LUC7L2: variants seen among roughly 807,000 people sequenced by gnomAD.
LUC7L2 encodes LUC7 like 2, pre-mRNA splicing factor, also known as putative RNA-binding protein Luc7-like 2.
Under a neutral mutation model 52.8 loss-of-function variants are expected in LUC7L2, and 25 were observed. That is an observed-to-expected ratio of 0.47 (90% confidence interval 0.34 to 0.66). LUC7L2 has a LOEUF of 0.66. Among genes scored for constraint, LUC7L2 ranks in the 30% least tolerant of loss-of-function variants. The pLI is 0.01. For synonymous variants in LUC7L2, 144 were observed against 160.9 expected, an observed-to-expected ratio of 0.89 and a Z score of 0.80; for missense variants, 328 against 497.8, an observed-to-expected ratio of 0.66 and a Z score of 3.25.
chr7:139,367,884 G>T (rs1800246564), intron 1 of LUC7L2, among the ~76,000 whole-genome samples: 1 of 152,216 alleles, frequency 6.6e-6, no homozygotes. Flanking sequence ...GTGGGAATGT[G>T]AAGAGGTACC....
At chr7:139,416,217 C>G (rs376485600) in intron 8 of LUC7L2, 2 of 151,018 alleles carry the variant, frequency 1.3e-5, no homozygotes, top group South Asian at 4.2e-4. Context: ...CCTTTGTTTC[C>G]CCTTGTTTTC....
At chr7:139,390,919 A>G (rs764121827) in intron 2 of LUC7L2, among the ~76,000 whole-genome samples, 1 of 152,188 alleles carries the variant, frequency 6.6e-6, no homozygotes, top group Non-Finnish European at 1.5e-5. Context: ...CCAATTATAC[A>G]TCACCCTCCT....
intron 1 of LUC7L2, chr7:139,341,106 G>C: frequency 2.9e-6 from 1 of 341,558 alleles, no homozygotes; most frequent in Non-Finnish European, 5.1e-6. Context: ...CTTCAATGAC[G>C]CAGTGAAGAA....
intron 9 of LUC7L2, among the ~76,000 whole-genome samples, chr7:139,420,394 G>A (rs1795842432): frequency 1.3e-5 from 2 of 152,136 alleles, no homozygotes; most frequent in African/African-American, 4.8e-5. Flanking sequence ...GTAGGGACAG[G>A]GTTACGCCAT....
intron 2 of LUC7L2, among the ~76,000 whole-genome samples, chr7:139,390,676 C>T (rs1430544054): frequency 2.6e-5 from 4 of 152,058 alleles, no homozygotes; most frequent in African/African-American, 9.7e-5. Flanking sequence ...CTGCCTCAGC[C>T]TCCCAAGTAG....
At position 139,360,023 on chromosome 7, in the gene LUC7L2, C is replaced by T; in HGVS notation, c.-239C>T. The T allele has an allele frequency of 3.9e-6, 2 of 515,932 alleles. No individual in the cohort carries two copies. The highest frequency in any genetic ancestry group is 3.5e-5 in the East Asian group (1 of 28,546). 32.0% of individuals were successfully genotyped at this position (515,932 alleles called of 1,614,324 possible). A position where few individuals can be genotyped will look rare whatever the true frequency, so the allele number is the denominator to read the frequency against. On this transcript the variant is annotated 5_prime_UTR_variant, in exon 1 of 10. The change creates a new upstream start codon in the 5' untranslated region. Transcript: ENST00000354926. ...TGTCGCTTCTGTCCCAAGAACCGGACGGAGAGTGAGGGCACGAGGGTCGCT... is the reference window on the plus strand; with the variant it reads ...TGTCGCTTCTGTCCCAAGAACCGGATGGAGAGTGAGGGCACGAGGGTCGCT...
intron 1 of LUC7L2, chr7:139,341,372 G>A (rs1798947877): frequency 1.2e-6 from 2 of 1,603,608 alleles, no homozygotes; most frequent in Non-Finnish European, 1.7e-6. Flanking sequence ...CACGCTCGGA[G>A]AAGGACAGGA....
rs1272884584 is a variant in LUC7L2, at chr7:139,359,941, G to C, written c.-321G>C. 4 of 421,148 alleles carry C rather than the reference G, an allele frequency of 9.5e-6. No individual in the cohort carries two copies. The highest frequency in any genetic ancestry group is 1.7e-5 in the Non-Finnish European group (4 of 237,850). The allele number at this position is 421,148 out of a possible 1,614,324, so 26.1% of individuals were successfully genotyped here. On this transcript the variant is annotated 5_prime_UTR_variant, in exon 1 of 10. Transcript: ENST00000354926. ...CGGCGAGCGGCGTCAGAGCTTGAGG[G>C]GGGGTTGACGGCTTCTGGCGGGTGG...
intron 7 of LUC7L2, 144 bp from the exon 8 acceptor site, chr7:139,412,407 T>C (rs1005953060): frequency 6.3e-6 from 6 of 958,682 alleles, no homozygotes; most frequent in Non-Finnish European, 8.7e-6. Flanking sequence ...GTGGTGTCTT[T>C]TGGAAAATTT....
chr7:139,398,524 C>T, intron 2 of LUC7L2, 75 bp from the exon 3 acceptor site: 1 of 1,214,006 alleles, frequency 8.2e-7, no homozygotes, highest in Non-Finnish European at 1.1e-6. Context: ...TGTATTCTGA[C>T]AAGAACTGTG....
chr7:139,340,831 CTT>C (rs112287672), intron 1 of LUC7L2, among the ~76,000 whole-genome samples: 13 of 145,222 alleles, frequency 9.0e-5, no homozygotes, highest in Non-Finnish European at 1.2e-4. Flanking sequence ...GCCAACTTTA[CTT>C]TTTTTTTTTT....
At chr7:139,410,163 G>A (rs368534030) in intron 7 of LUC7L2, among the ~76,000 whole-genome samples, 3 of 151,914 alleles carry the variant, frequency 2.0e-5, no homozygotes, top group Middle Eastern at 3.4e-3. Flanking sequence ...AGCTGAGATC[G>A]GGCCACTGCA....
chr7:139,359,832 T>TA, upstream of LUC7L2: 1 of 406,624 alleles, frequency 2.5e-6, no homozygotes, highest in Non-Finnish European at 4.3e-6. Flanking sequence ...GGCGGAGTGA[T>TA]ACAGCTGGAC....
At chr7:139,371,543 A>C in intron 1 of LUC7L2, 3 of 647,270 alleles carry the variant, frequency 4.6e-6, no homozygotes, top group Non-Finnish European at 7.7e-6. Context: ...TATGGGAGGG[A>C]GAGGGTGGGT....
chr7:139,360,213 G>A lies in LUC7L2; in HGVS notation c.-49G>A, dbSNP rs1799790692. ...TTCCCCTTATCCCCCAGCCCAAAAG[G>A]GCCCGGTCTGCGCCCCACCCCCGCC... On this transcript the variant is annotated 5_prime_UTR_variant, in exon 1 of 10. Transcript: ENST00000354926. 6.8e-7 allele frequency: 1 copy of A among 1,472,528 alleles called. No homozygotes were observed. The highest frequency in any genetic ancestry group is 9.2e-7 in the Non-Finnish European group (1 of 1,082,378). 91.2% of individuals were successfully genotyped at this position (1,472,528 alleles called of 1,614,324 possible).
chr7:139,411,174 G>C (rs1795344855), intron 7 of LUC7L2, among the ~76,000 whole-genome samples: 1 of 152,114 alleles, frequency 6.6e-6, no homozygotes, highest in Non-Finnish European at 1.5e-5. Context: ...TGATGAAAAA[G>C]TATATCACAT....
At chr7:139,346,858 G>C (rs1311872533) in intron 1 of LUC7L2, among the ~76,000 whole-genome samples, 1 of 152,190 alleles carries the variant, frequency 6.6e-6, no homozygotes, top group Non-Finnish European at 1.5e-5. Context: ...AACCAAGACA[G>C]AAACTTGGGC....
intron 1 of LUC7L2, among the ~76,000 whole-genome samples, chr7:139,361,999 A>G (rs1799908377): frequency 6.6e-6 from 1 of 150,550 alleles, no homozygotes; most frequent in Non-Finnish European, 1.5e-5. Context: ...CAGCCCGTCT[A>G]GTATTGCAAA....
At chr7:139,357,418 TAA>T (rs1237930604), upstream of LUC7L2, among the ~76,000 whole-genome samples, 1 of 152,148 alleles carries the variant, frequency 6.6e-6, no homozygotes, top group Non-Finnish European at 1.5e-5. Flanking sequence ...ATGCTGTTTA[TAA>T]GACATCTAAA....
Sources: allele counts gnomAD v4.1 joint callset (sites outside exome capture counted in the v4.1 genomes callset), GRCh38; gene constraint gnomAD v4.1.1; transcripts MANE v1.5; gene names NCBI Gene and HGNC (gene_info 2026-07-23, HGNC 2026-07-21).